Variants in BMPR2 observed in about 807,000 individuals in gnomAD.
BMPR2 encodes bone morphogenetic protein receptor type-2.
BMPR2 carries 29 observed loss-of-function variants against 100.8 expected under a neutral mutation model. That is an observed-to-expected ratio of 0.29 (90% CI 0.21 to 0.39). The LOEUF is 0.39. BMPR2 is among the 10% of genes least tolerant of loss of function. The probability of loss-of-function intolerance (pLI) is 1.00; values close to 1 mark genes in which losing one functional copy is unlikely to be tolerated. For synonymous variants in BMPR2, 382 were observed against 442.3 expected (o/e 0.86, Z 1.71); for missense variants, 1,011 against 1,274.5 (o/e 0.79, Z 3.15).
intron 10 of BMPR2, among the ~76,000 whole-genome samples, chr2:202,547,091 G>C (rs1423001999): frequency 2.0e-5 from 3 of 151,968 alleles, no homozygotes; most frequent in Non-Finnish European, 4.4e-5. Context: ...TAAGGCTTTT[G>C]TTTTATGTTA....
chr2:202,401,508 G>A (rs1690768323), intron 1 of BMPR2, among the ~76,000 whole-genome samples: 1 of 152,196 alleles, frequency 6.6e-6, no homozygotes, highest in Admixed American at 6.5e-5. Context: ...CATTTACCAA[G>A]TGTGGCACGC....
At chr2:202,394,786 T>C (rs1469106214) in intron 1 of BMPR2, among the ~76,000 whole-genome samples, 4 of 152,160 alleles carry the variant, frequency 2.6e-5, no homozygotes, top group Non-Finnish European at 5.9e-5. Flanking sequence ...AATAAAGATA[T>C]TGAGGCACAG....
chr2:202,391,530 G>A (rs1242503418), intron 1 of BMPR2, among the ~76,000 whole-genome samples: 2 of 150,858 alleles, frequency 1.3e-5, no homozygotes, highest in Admixed American at 6.6e-5. Context: ...GGGCTCAAGC[G>A]ACCCTTTTGC....
chr2:202,445,707 G>A lies in BMPR2; in HGVS notation c.77-19102G>A, dbSNP rs886759175. ...ACTCCTGGGCTCAAGTGATCCTCCCGCCTTGGCCTCCTAAAGTGTTGCAAT... is the reference window on the plus strand; with the variant it reads ...ACTCCTGGGCTCAAGTGATCCTCCCACCTTGGCCTCCTAAAGTGTTGCAAT... On this transcript the variant is annotated intron_variant, in intron 1 of 12. Coordinates refer to ENST00000374580, the MANE Select transcript of BMPR2 (RefSeq NM_001204.7). Among the ~76,000 whole-genome samples the A allele has an allele frequency of 3.3e-5, 5 of 149,440 alleles. No individual in the cohort carries two copies. In the East Asian group the frequency reaches 5.8e-4, roughly 17 times the overall value.
intron 1 of BMPR2, among the ~76,000 whole-genome samples, chr2:202,429,363 C>A (rs1559035815): frequency 6.6e-6 from 1 of 151,114 alleles, no homozygotes; most frequent in East Asian, 1.9e-4. Context: ...TACTACTCCC[C>A]CTTTCCCACT....
chr2:202,531,919 C>A, intron 8 of BMPR2, among the ~76,000 whole-genome samples: 1 of 144,574 alleles, frequency 6.9e-6, no homozygotes, highest in East Asian at 2.1e-4. Flanking sequence ...TGAGCCACCA[C>A]GCCCAGCTGT....
chr2:202,535,111 GGGC>G (rs1469754597), intron 9 of BMPR2, among the ~76,000 whole-genome samples: 3 of 146,288 alleles, frequency 2.1e-5, no homozygotes, highest in African/African-American at 7.6e-5. Context: ...CTCCCGGACG[GGGC>G]GGCTGGCCGG....
intron 1 of BMPR2, among the ~76,000 whole-genome samples, chr2:202,442,491 A>G (rs897762397): frequency 6.6e-6 from 1 of 150,416 alleles, no homozygotes. Flanking sequence ...ATTTTCAAGT[A>G]TATAGTACAA....
At chr2:202,469,526 C>A (rs968686760) in intron 3 of BMPR2, 6 of 331,172 alleles carry the variant, frequency 1.8e-5, no homozygotes, top group African/African-American at 4.4e-5. Flanking sequence ...GTCACCCTGG[C>A]TAGAGTACAG....
At chr2:202,470,787 AAAG>A (rs1692423060) in intron 3 of BMPR2, among the ~76,000 whole-genome samples, 1 of 151,162 alleles carries the variant, frequency 6.6e-6, no homozygotes, top group Non-Finnish European at 1.5e-5. Context: ...AAAAAAAAAA[AAAG>A]AAAGTAAGGA....
chr2:202,519,539 G>A (rs1171532873), intron 6 of BMPR2, among the ~76,000 whole-genome samples: 2 of 152,064 alleles, frequency 1.3e-5, no homozygotes, highest in African/African-American at 4.8e-5. Context: ...TTGTTTCGCT[G>A]TCTCCTCCTT....
At chr2:202,439,128 T>C (rs1462797657) in intron 1 of BMPR2, among the ~76,000 whole-genome samples, 1 of 150,360 alleles carries the variant, frequency 6.7e-6, no homozygotes, top group Non-Finnish European at 1.5e-5. Flanking sequence ...TTAGATAAGA[T>C]TACTTTTTTT....
chr2:202,543,914 A>G (rs1688327936), intron 10 of BMPR2, among the ~76,000 whole-genome samples: 1 of 152,172 alleles, frequency 6.6e-6, no homozygotes, highest in Non-Finnish European at 1.5e-5. Context: ...GTTTCAAGTT[A>G]TCATCCATCA....
intron 10 of BMPR2, among the ~76,000 whole-genome samples, chr2:202,549,072 G>A (rs184265270): frequency 6.6e-6 from 1 of 152,142 alleles, no homozygotes; most frequent in African/African-American, 2.4e-5. Flanking sequence ...GGCAACCACT[G>A]ATCTGCTTTC....
rs1011941901 is a variant in BMPR2 at position 202,376,782 on chromosome 2, C to A, written c.-693C>A. On this transcript the variant is annotated 5_prime_UTR_variant, in exon 1 of 13. Transcript: ENST00000374580. ...CGCGACCGCGACCCCTCCCCTCCCCCGCTCCTACCTCTCCTCAGCCTTCGC... is the reference window on the plus strand; with the variant it reads ...CGCGACCGCGACCCCTCCCCTCCCCAGCTCCTACCTCTCCTCAGCCTTCGC... Among the ~76,000 whole-genome samples, 1 of 151,428 alleles carries A rather than the reference C, an allele frequency of 6.6e-6. No individual in the cohort carries two copies. Among genetic ancestry groups the A allele is most frequent in the African/African-American group, 2.4e-5 (1 of 41,242 alleles).
At chr2:202,459,030 GTC>G (rs753875428) in intron 1 of BMPR2, among the ~76,000 whole-genome samples, 1 of 152,144 alleles carries the variant, frequency 6.6e-6, no homozygotes, top group Non-Finnish European at 1.5e-5. Context: ...TTTTTATACT[GTC>G]TCTCTGCTGA....
intron 3 of BMPR2, among the ~76,000 whole-genome samples, chr2:202,505,832 T>C (rs1687510013): frequency 6.6e-6 from 1 of 152,240 alleles, no homozygotes; most frequent in African/African-American, 2.4e-5. Flanking sequence ...TGTAATATTA[T>C]CAATAATAGA....
At chr2:202,481,179 T>C (rs1692653679) in intron 3 of BMPR2, among the ~76,000 whole-genome samples, 1 of 151,618 alleles carries the variant, frequency 6.6e-6, no homozygotes, top group Non-Finnish European at 1.5e-5. Flanking sequence ...TTCTCTTCTC[T>C]TCTCTTCTCT....
At chr2:202,444,660 T>C (rs1368228393) in intron 1 of BMPR2, among the ~76,000 whole-genome samples, 1 of 150,886 alleles carries the variant, frequency 6.6e-6, no homozygotes, top group African/African-American at 2.5e-5. Context: ...TAATATTGGA[T>C]GGAATGATCC....
Sources: gnomAD v4.1 joint callset for allele counts (sites outside exome capture counted in the v4.1 genomes callset) on GRCh38, gnomAD v4.1.1 for gene constraint, MANE v1.5 for transcripts, NCBI Gene and HGNC (gene_info 2026-07-23, HGNC 2026-07-21) for gene names.